Variants in OSBPL8 observed in about 807,000 individuals in gnomAD.
The protein encoded by OSBPL8 is oxysterol-binding protein-related protein 8.
OSBPL8 carries 59 observed loss-of-function variants against 125.5 expected under a neutral mutation model. That is an observed-to-expected ratio of 0.47 (90% CI 0.38 to 0.58). OSBPL8 has a LOEUF of 0.58. Ranked by LOEUF, OSBPL8 falls within the 20% of genes least tolerant of loss-of-function variation. The probability of loss-of-function intolerance (pLI) is 0.00; values close to 1 mark genes in which losing one functional copy is unlikely to be tolerated. For missense variants in OSBPL8, 758 were observed against 1,047.8 expected (o/e 0.72, Z 3.82); for synonymous variants, 330 against 338.9 (o/e 0.97, Z 0.29).
chr12:76,546,872 C>G (rs1398366005), intron 1 of OSBPL8, among the ~76,000 whole-genome samples: 1 of 152,060 alleles, frequency 6.6e-6, no homozygotes, highest in Non-Finnish European at 1.5e-5. Flanking sequence ...ACTTCCTGGA[C>G]AATGAGCAAA....
In OSBPL8 at chr12:76,369,660, T is replaced by C. The variant is rs1392167238; in HGVS notation, c.2217A>G (p.Gly739=). ...ACTCTGCAAACTTGTAATGCCATTC[T>C]CCTGTGAGTGGATCAAGTTCAAATA... ...CKLFELDPLT[G]EWHYKFADTR... Residue 739 remains glycine (G), a synonymous_variant, in exon 20 of 24, where the codon GGA becomes GGG. Coordinates refer to ENST00000261183, the MANE Select transcript of OSBPL8 (RefSeq NM_020841.5). 5.6e-6 allele frequency: 9 copies of C among 1,613,476 alleles called. No individual in the cohort carries two copies. The highest frequency in any genetic ancestry group is 7.6e-6 in the Non-Finnish European group (9 of 1,179,606).
intron 11 of OSBPL8, 66 bp downstream of exon 11, chr12:76,390,329 GCAATAGATCAAGCAAATAATATCTT>G (rs1246221145): frequency 7.6e-6 from 7 of 918,842 alleles, no homozygotes; most frequent in African/African-American, 3.3e-5. Context: ...AGAAAAATAG[GCAATAGATCAAGCAAATAATATCTT>G]CAATTTCATT....
chr12:76,410,733 A>G (rs1034188243), intron 4 of OSBPL8, 99 bp from the exon 5 acceptor site: 5 of 794,894 alleles, frequency 6.3e-6, no homozygotes, highest in Non-Finnish European at 8.4e-6. Context: ...AAATCAGTGC[A>G]GGAAGCCTGT....
In OSBPL8 at chr12:76,429,996, C is replaced by T. The variant is rs1870617408; in HGVS notation, c.218-19362G>A. 2.0e-5 allele frequency among the ~76,000 whole-genome samples: 3 copies of T among 152,134 alleles called. No individual in the cohort carries two copies. In the South Asian group the frequency reaches 6.2e-4, roughly 31 times the overall value. On this transcript the variant is annotated intron_variant, in intron 4 of 23. Coordinates refer to ENST00000261183, the MANE Select transcript of OSBPL8 (RefSeq NM_020841.5). ...ACTCACTTGGTAGAAACCATGCCCA[C>T]TAGCACCCCTGGTAACAGGCCTGCT... is the stretch of plus-strand genomic sequence containing the variant.
chr12:76,432,760 CA>C (rs1189167588), intron 4 of OSBPL8, among the ~76,000 whole-genome samples: 1 of 151,778 alleles, frequency 6.6e-6, no homozygotes, highest in Non-Finnish European at 1.5e-5. Flanking sequence ...AAGATAAAAT[CA>C]ACAAACTCTT....
intron 21 of OSBPL8, among the ~76,000 whole-genome samples, chr12:76,364,956 T>C (rs1039887777): frequency 1.3e-5 from 2 of 152,154 alleles, no homozygotes; most frequent in Non-Finnish European, 2.9e-5. Context: ...TTGCTTTTAG[T>C]AGTACAGTTA....
intron 1 of OSBPL8, among the ~76,000 whole-genome samples, chr12:76,551,938 C>A (rs1181260798): frequency 6.6e-6 from 1 of 152,162 alleles, no homozygotes; most frequent in Non-Finnish European, 1.5e-5. Flanking sequence ...CTATTTGGTA[C>A]ACAAATTTCT....
At chr12:76,451,038 TAATAG>T in intron 3 of OSBPL8, 50 bp from the exon 4 acceptor site, 1 of 1,573,214 alleles carries the variant, frequency 6.4e-7, no homozygotes, top group Non-Finnish European at 8.6e-7. Flanking sequence ...CAGATTTACA[TAATAG>T]TATAGTTAAT....
intron 2 of OSBPL8, among the ~76,000 whole-genome samples, chr12:76,466,687 G>A (rs1198654119): frequency 1.3e-5 from 2 of 152,030 alleles, no homozygotes; most frequent in African/African-American, 4.8e-5. Flanking sequence ...GGCTGGGCGC[G>A]GTGGCTCATG....
intron 8 of OSBPL8, among the ~76,000 whole-genome samples, chr12:76,395,972 C>T (rs1404344805): frequency 6.6e-6 from 1 of 150,714 alleles, no homozygotes; most frequent in African/African-American, 2.4e-5. Context: ...TTAATGCTTG[C>T]AATTCCTAAG....
In OSBPL8 at chr12:76,548,434, T is replaced by C. The variant is rs180923951; in HGVS notation, c.-68+10963A>G. 1.7e-3 allele frequency among the ~76,000 whole-genome samples: 254 copies of C among 152,210 alleles called. 2 individuals are homozygous for C. Among genetic ancestry groups the C allele is most frequent in the African/African-American group, 5.9e-3 (243 of 41,530 alleles). On this transcript the variant is annotated intron_variant, in intron 1 of 23. Transcript: ENST00000261183. ...ATAGTAGGGTTAAAAATAAGAGAAC[T>C]GAGTATTACTTGACTAACTATAAGG... is the stretch of plus-strand genomic sequence containing the variant.
At chr12:76,458,927 T>A (rs933740935) in intron 3 of OSBPL8, among the ~76,000 whole-genome samples, 2 of 152,152 alleles carry the variant, frequency 1.3e-5, no homozygotes, top group African/African-American at 4.8e-5. Flanking sequence ...TGTTTAGGAA[T>A]CAATAATAAA....
chr12:76,411,021 A>C (rs1954493074), intron 4 of OSBPL8, among the ~76,000 whole-genome samples: 1 of 152,198 alleles, frequency 6.6e-6, no homozygotes, highest in Non-Finnish European at 1.5e-5. Flanking sequence ...AGGTGATGAA[A>C]GACTGGGGAA....
chr12:76,390,984 T>C (rs1953535076), intron 10 of OSBPL8, among the ~76,000 whole-genome samples: 1 of 152,158 alleles, frequency 6.6e-6, no homozygotes, highest in Non-Finnish European at 1.5e-5. Flanking sequence ...TCTTGTTAGA[T>C]ATTTTTCTTA....
intron 1 of OSBPL8, among the ~76,000 whole-genome samples, chr12:76,528,609 G>T (rs1384662049): frequency 1.3e-5 from 2 of 152,022 alleles, no homozygotes; most frequent in Admixed American, 1.3e-4. Context: ...ACTATAGAAA[G>T]GGTACATCCT....
intron 9 of OSBPL8, 97 bp downstream of exon 9, chr12:76,394,548 A>T: frequency 1.2e-6 from 1 of 830,694 alleles, no homozygotes; most frequent in South Asian, 1.6e-5. Flanking sequence ...TGCAAATGCC[A>T]TACTAAAAAT....
chr12:76,372,111 C>G (rs1185170535), intron 18 of OSBPL8, among the ~76,000 whole-genome samples: 1 of 152,048 alleles, frequency 6.6e-6, no homozygotes, highest in African/African-American at 2.4e-5. Flanking sequence ...TGCTATCTAC[C>G]TTATCTATCT....
chr12:76,395,110 A>T (rs1168017822), intron 8 of OSBPL8, among the ~76,000 whole-genome samples: 1 of 152,198 alleles, frequency 6.6e-6, no homozygotes, highest in Non-Finnish European at 1.5e-5. Context: ...TGGAAATAGA[A>T]TTATAATTTA....
At chr12:76,539,773 G>A (rs767621557) in intron 1 of OSBPL8, among the ~76,000 whole-genome samples, 6 of 152,188 alleles carry the variant, frequency 3.9e-5, no homozygotes, top group Non-Finnish European at 7.3e-5. Flanking sequence ...GCTTTTCTAA[G>A]ACACTTATAC....
Sources: allele counts gnomAD v4.1 joint callset (sites outside exome capture counted in the v4.1 genomes callset), GRCh38; gene constraint gnomAD v4.1.1; transcripts MANE v1.5; gene names NCBI Gene and HGNC (gene_info 2026-07-23, HGNC 2026-07-21).